Variants in MGMT observed in about 807,000 individuals in gnomAD.
The protein encoded by MGMT is O-6-methylguanine-DNA methyltransferase.
In MGMT, 14 loss-of-function variants were observed where a neutral mutation model predicts 15.9. The ratio of observed to expected loss-of-function variants is 0.88; its 90% CI spans 0.58 to 1.37. The LOEUF is 1.37. Among genes scored for constraint, MGMT ranks in the 40% most tolerant of loss-of-function variants. The probability of loss-of-function intolerance (pLI) is 0.00; values close to 1 mark genes in which losing one functional copy is unlikely to be tolerated. For missense variants in MGMT, 282 were observed against 268.1 expected, an observed-to-expected ratio of 1.05 and a Z score of -0.36; for synonymous variants, 130 against 118.2, an observed-to-expected ratio of 1.10 and a Z score of -0.65.
intron 3 of MGMT, among the ~76,000 whole-genome samples, chr10:129,729,714 G>A (rs566201186): frequency 3.3e-5 from 5 of 152,200 alleles, no homozygotes; most frequent in East Asian, 1.9e-4. Context: ...GGCATAATCC[G>A]TGTCCCGTGG....
At chr10:129,761,411 T>C (rs1192902017) in intron 4 of MGMT, among the ~76,000 whole-genome samples, 1 of 152,230 alleles carries the variant, frequency 6.6e-6, no homozygotes, top group African/African-American at 2.4e-5. Flanking sequence ...CTAACTGACA[T>C]GTGCAGCGTG....
intron 3 of MGMT, among the ~76,000 whole-genome samples, chr10:129,734,603 T>C (rs1348856896): frequency 3.9e-5 from 6 of 152,084 alleles, no homozygotes; most frequent in Admixed American, 3.9e-4. Flanking sequence ...CTATGTTGAA[T>C]AGGAGTGGTG....
At chr10:129,759,645 C>T (rs1035909116) in intron 4 of MGMT, among the ~76,000 whole-genome samples, 1 of 152,130 alleles carries the variant, frequency 6.6e-6, no homozygotes, top group Non-Finnish European at 1.5e-5. Context: ...GAGGGTGCCC[C>T]ACCTGCTCAC....
rs558531260 is a variant in MGMT at position 129,573,138 on chromosome 10, A to G, written c.125+36761A>G. Among the ~76,000 whole-genome samples the G allele has an allele frequency of 2.0e-5, 3 of 152,216 alleles. No individual in the cohort carries two copies. In the East Asian group the frequency reaches 5.8e-4, roughly 29 times the overall value. On this transcript the variant is annotated intron_variant, in intron 2 of 4. Transcript: ENST00000651593. ...TGATTGTTTGGGGTTCCTTGGTAAA[A>G]TGCTTGCTTTTGTTTCCTGTTGGGT...
chr10:129,555,432 C>G (rs905988969), intron 2 of MGMT, among the ~76,000 whole-genome samples: 1 of 152,128 alleles, frequency 6.6e-6, no homozygotes, highest in Non-Finnish European at 1.5e-5. Context: ...ATCCATAGGC[C>G]GGGCGTGGTG....
chr10:129,646,754 A>ATATATATATTTTTTTTTTTTTTTT, intron 2 of MGMT, among the ~76,000 whole-genome samples: 7 of 86,664 alleles, frequency 8.1e-5, no homozygotes, highest in Non-Finnish European at 1.5e-4. Context: ...ATATATATAT[A>ATATATATATTTTTTTTTTTTTTTT]TTTTCAGGGA....
At chr10:129,679,122 T>G (rs1303822405) in intron 2 of MGMT, among the ~76,000 whole-genome samples, 1 of 151,862 alleles carries the variant, frequency 6.6e-6, no homozygotes, top group East Asian at 1.9e-4. Context: ...TAAATGTTAG[T>G]CATAGGATTA....
At chr10:129,728,852 G>A (rs1848463595) in intron 3 of MGMT, among the ~76,000 whole-genome samples, 1 of 151,812 alleles carries the variant, frequency 6.6e-6, no homozygotes, top group Admixed American at 6.6e-5. Context: ...GCATCACAAA[G>A]GTCAGCACGA....
intron 3 of MGMT, among the ~76,000 whole-genome samples, chr10:129,714,616 CCT>C (rs771026309): frequency 6.6e-6 from 1 of 152,112 alleles, no homozygotes. Context: ...ACACACATAC[CCT>C]GTTTCTGAGA....
intron 2 of MGMT, among the ~76,000 whole-genome samples, chr10:129,571,641 T>G (rs1300300137): frequency 6.6e-6 from 1 of 152,178 alleles, no homozygotes; most frequent in East Asian, 1.9e-4. Context: ...TCGATCAATT[T>G]GTCTGTCAAC....
At chr10:129,596,760 C>CCTGCG (rs1846756009) in intron 2 of MGMT, among the ~76,000 whole-genome samples, 1 of 152,198 alleles carries the variant, frequency 6.6e-6, no homozygotes, top group East Asian at 1.9e-4. Context: ...CTAGGTCGTG[C>CCTGCG]TTGCGTTTCA....
At chr10:129,478,635 A>G (rs2119629917) in intron 1 of MGMT, among the ~76,000 whole-genome samples, 1 of 152,360 alleles carries the variant, frequency 6.6e-6, no homozygotes, top group African/African-American at 2.4e-5. Flanking sequence ...CCTTTTCCTG[A>G]AGGATCTTGC....
At chr10:129,521,731 AGT>A (rs1332837777) in intron 1 of MGMT, among the ~76,000 whole-genome samples, 3 of 152,134 alleles carry the variant, frequency 2.0e-5, no homozygotes, top group Non-Finnish European at 4.4e-5. Context: ...CGGCTCAAGA[AGT>A]GTGTGCTGTC....
At chr10:129,746,245 AAAAAAAAAAACAAAC>A (rs1376523316) in intron 3 of MGMT, among the ~76,000 whole-genome samples, 6 of 151,170 alleles carry the variant, frequency 4.0e-5, no homozygotes, top group Admixed American at 6.6e-5. Flanking sequence ...TCTCAAAAAA[AAAAAAAAAAACAAAC>A]AAAAAAAAAC....
intron 3 of MGMT, among the ~76,000 whole-genome samples, chr10:129,711,274 A>AT (rs147789446): frequency 0.023 from 3,558 of 152,284 alleles, 134 homozygotes; most frequent in African/African-American, 0.08. Context: ...TGAAATTGCT[A>AT]TTTTTTAGGT....
chr10:129,543,535 G>A (rs1004273817), intron 2 of MGMT, among the ~76,000 whole-genome samples: 11 of 152,146 alleles, frequency 7.2e-5, no homozygotes, highest in Admixed American at 1.3e-4. Context: ...TAAACAATGC[G>A]CAACCTCACC....
intron 1 of MGMT, among the ~76,000 whole-genome samples, chr10:129,486,958 G>A (rs984295181): frequency 4.6e-5 from 7 of 152,194 alleles, no homozygotes; most frequent in Admixed American, 6.5e-5. Flanking sequence ...TGGTGATAAC[G>A]TTAAAGCCTT....
At chr10:129,738,265 T>A (rs1381258147) in intron 3 of MGMT, among the ~76,000 whole-genome samples, 1 of 152,126 alleles carries the variant, frequency 6.6e-6, no homozygotes, top group Non-Finnish European at 1.5e-5. Context: ...GGTGCGCCGT[T>A]TTTTAAGCCC....
chr10:129,638,429 C>CAAAAAAAAAAAAAAAAGAAAAAAAA (rs1327986095), intron 2 of MGMT, among the ~76,000 whole-genome samples: 1 of 61,756 alleles, frequency 1.6e-5, no homozygotes, highest in Non-Finnish European at 3.3e-5. Context: ...ACCAAAGAGG[C>CAAAAAAAAAAAAAAAAGAAAAAAAA]AAAAAAAAAA....
Sources: gnomAD v4.1 joint callset for allele counts (sites outside exome capture counted in the v4.1 genomes callset) on GRCh38, gnomAD v4.1.1 for gene constraint, MANE v1.5 for transcripts, NCBI Gene and HGNC (gene_info 2026-07-23, HGNC 2026-07-21) for gene names.